DELE1: variants seen among roughly 807,000 people sequenced by gnomAD.
DELE1 encodes the protein death ligand signal enhancer.
A neutral mutation model predicts 59.3 loss-of-function variants in DELE1; 54 were observed. The observed-to-expected ratio is 0.91, with a 90% CI of 0.73 to 1.14. The LOEUF is 1.14. Among genes scored for constraint, DELE1 ranks in the 50% most tolerant of loss-of-function variants. The pLI is 0.00. For missense variants in DELE1, 636 were observed against 643.9 expected, an observed-to-expected ratio of 0.99 and a Z score of 0.13; for synonymous variants, 264 against 259.1, an observed-to-expected ratio of 1.02 and a Z score of -0.18.
chr5:141,936,254 G>C (rs748005253), intron 10 of DELE1, among the ~76,000 whole-genome samples: 1 of 152,184 alleles, frequency 6.6e-6, no homozygotes, highest in South Asian at 2.1e-4. Flanking sequence ...GTAGAGTCAC[G>C]TGCCTGAGTT....
rs144562254 is a variant in DELE1 at position 141,930,191 on chromosome 5, C to A, written c.671C>A (p.Ser224Ter). ...QPTGEKEQDKSKTLSLEEAVT... is the reference protein window; with the variant it reads ...QPTGEKEQDK ...TTTCTTTCCCAGGAACAAGATAAAT[C>A]AAAAACTCTTTCCCTTGAGGAGGCT... Residue 224 changes from serine to a stop codon, truncating the protein, a stop_gained, in exon 7 of 12, where the codon TCA becomes TAA. Transcript: ENST00000432126. LOFTEE classifies it high-confidence loss of function. 23 of 1,613,252 alleles carry A rather than the reference C, an allele frequency of 1.4e-5. No homozygotes were observed. Among genetic ancestry groups the A allele is most frequent in the Admixed American group, 8.3e-5 (5 of 59,950 alleles).
chr5:141,924,321 A>G (rs1321903290), intron 1 of DELE1, among the ~76,000 whole-genome samples: 1 of 152,142 alleles, frequency 6.6e-6, no homozygotes, highest in Non-Finnish European at 1.5e-5. Flanking sequence ...CATTAGTGAG[A>G]GTATATGTAT....
At chr5:141,932,740 T>TTA (rs1288623597) in intron 7 of DELE1, among the ~76,000 whole-genome samples, 6 of 152,066 alleles carry the variant, frequency 3.9e-5, no homozygotes. Flanking sequence ...GAGGAATGGT[T>TTA]TATAGTAGGG....
intron 8 of DELE1, chr5:141,933,973 A>T (rs1373036741): frequency 7.6e-6 from 2 of 264,446 alleles, no homozygotes; most frequent in African/African-American, 2.3e-5. Flanking sequence ...TATGTGTGTG[A>T]GTATGTCTAA....
chr5:141,938,892 A>G lies in DELE1; in HGVS notation c.*133A>G. ...GGAGTTCAGGTTCCCAAGCAATTTC[A>G]CGTACATGGCTGGTAAGTGACTGAT... On this transcript the variant is annotated 3_prime_UTR_variant, in exon 12 of 12. Transcript: ENST00000432126. The G allele has an allele frequency of 6.8e-7, 1 of 1,473,040 alleles. No individual in the cohort carries two copies. The highest frequency in any genetic ancestry group is 8.9e-7 in the Non-Finnish European group (1 of 1,118,706). 91.2% of individuals were successfully genotyped at this position (1,473,040 alleles called of 1,614,324 possible).
At chr5:141,925,297 G>T in intron 2 of DELE1, 113 bp from the exon 3 acceptor site, 1 of 572,898 alleles carries the variant, frequency 1.7e-6, no homozygotes, top group Middle Eastern at 3.2e-4. Flanking sequence ...TCCTGACCTC[G>T]TGATCCACCC....
intron 10 of DELE1, among the ~76,000 whole-genome samples, chr5:141,936,418 A>G (rs1561521595): frequency 6.6e-6 from 1 of 152,062 alleles, no homozygotes; most frequent in Non-Finnish European, 1.5e-5. Flanking sequence ...GGCAAAGAGC[A>G]TAGCGTTTTT....
Position 141,934,288 on chromosome 5 carries a change from C to G in DELE1, c.946C>G (p.Gln316Glu), listed in dbSNP as rs757643637. Residue 316 changes from glutamine to glutamate, a missense_variant, in exon 9 of 12, where the codon CAG (glutamine) becomes GAG (glutamate). Gln to Glu is a conservative substitution (Grantham distance 29). Transcript: ENST00000432126. Reference protein sequence around the residue: ...LAASQGHSLAQYRYARCLLRD... With the variant: ...LAASQGHSLAEYRYARCLLRD... ...TGCCAGCCAGGGCCACAGCCTGGCT[C>G]AGTACCGCTATGCCAGGTGCCTACT... 10 of 1,613,978 alleles carry G rather than the reference C, an allele frequency of 6.2e-6. No homozygotes were observed. In the South Asian group the frequency reaches 8.8e-5, roughly 14 times the overall value.
At position 141,929,878 on chromosome 5, in the gene DELE1, C is replaced by T. The variant is rs192000208; in HGVS notation, c.572-111C>T. The T allele has an allele frequency of 1.6e-3, 2,433 of 1,500,270 alleles. 4 individuals are homozygous for T. Among genetic ancestry groups the T allele is most frequent in the Non-Finnish European group, 2.1e-3 (2,297 of 1,080,676 alleles). 92.9% of individuals were successfully genotyped at this position (1,500,270 alleles called of 1,614,324 possible). ...CTTGTGAGGTGATTCAGGGTTATTT[C>T]GGTTCCTGGCAAGGGTGCTGGCTGG... On this transcript the variant is annotated intron_variant, in intron 5 of 11. Transcript: ENST00000432126.
chr5:141,931,458 A>G (rs2126880900), intron 7 of DELE1, among the ~76,000 whole-genome samples: 1 of 152,322 alleles, frequency 6.6e-6, no homozygotes, highest in African/African-American at 2.4e-5. Context: ...GGGCAGCCAC[A>G]TGATCTGATG....
intron 3 of DELE1, among the ~76,000 whole-genome samples, chr5:141,927,591 T>G (rs1751522923): frequency 6.6e-6 from 1 of 152,148 alleles, no homozygotes; most frequent in South Asian, 2.1e-4. Flanking sequence ...TCTGCAGACC[T>G]GTCAGAGAAG....
intron 4 of DELE1, among the ~76,000 whole-genome samples, chr5:141,928,650 T>C (rs763959596): frequency 1.2e-4 from 19 of 152,242 alleles, no homozygotes; most frequent in Non-Finnish European, 2.4e-4. Context: ...GCACCTATTA[T>C]GTGCCATGGT....
At chr5:141,938,075 C>T (rs1427503086) in intron 11 of DELE1, among the ~76,000 whole-genome samples, 1 of 152,012 alleles carries the variant, frequency 6.6e-6, no homozygotes, top group East Asian at 2.0e-4. Flanking sequence ...ATCCACCCGC[C>T]TCGGCCTCCC....
intron 9 of DELE1, 33 bp downstream of exon 9, chr5:141,934,431 T>C (rs1350391167): frequency 1.2e-6 from 2 of 1,614,218 alleles, no homozygotes; most frequent in Admixed American, 3.3e-5. Context: ...GTTCAAGGTC[T>C]CTGAGGCCTG....
In DELE1 at chr5:141,928,205, T is replaced by G; in HGVS notation, c.319T>G (p.Ser107Ala). 6.2e-7 allele frequency: 1 copy of G among 1,614,186 alleles called. No individual in the cohort carries two copies. The highest frequency in any genetic ancestry group is 1.1e-5 in the South Asian group (1 of 91,084). The change falls in exon 4 of 12, where the codon TCC (serine) becomes GCC (alanine). Residue 107 changes from serine to alanine, a missense_variant. Transcript: ENST00000432126. Reference protein sequence around the residue: ...QLARQIHFQASLPAGPQRVEH... With the variant: ...QLARQIHFQAALPAGPQRVEH... ...GGCAAGGCAGATCCACTTCCAGGCA[T>G]CCCTGCCAGCAGGACCTCAGCGGGT...
At chr5:141,926,530 C>T (rs1751438292) in intron 3 of DELE1, among the ~76,000 whole-genome samples, 1 of 152,212 alleles carries the variant, frequency 6.6e-6, no homozygotes, top group Non-Finnish European at 1.5e-5. Context: ...GGAAGTTCTG[C>T]TTATAAGATC....
chr5:141,924,485 C>T (rs1439406411), intron 1 of DELE1, 96 bp from the exon 2 acceptor site: 5 of 749,502 alleles, frequency 6.7e-6, no homozygotes, highest in South Asian at 1.5e-5. Flanking sequence ...ATAAAAGATT[C>T]CCATGTGTAT....
At chr5:141,926,854 A>G (rs553476163) in intron 3 of DELE1, among the ~76,000 whole-genome samples, 2 of 152,346 alleles carry the variant, frequency 1.3e-5, no homozygotes, top group South Asian at 2.1e-4. Context: ...CAGAAGTCCC[A>G]ATGCCATCCC....
chr5:141,925,143 A>G (rs921541802), intron 2 of DELE1, among the ~76,000 whole-genome samples: 4 of 151,282 alleles, frequency 2.6e-5, no homozygotes, highest in Non-Finnish European at 5.9e-5. Flanking sequence ...GTTAGCCAGG[A>G]TGGTCTTGAT....
Sources: gnomAD v4.1 joint callset for allele counts (sites outside exome capture counted in the v4.1 genomes callset) on GRCh38, gnomAD v4.1.1 for gene constraint, MANE v1.5 for transcripts, NCBI Gene and HGNC (gene_info 2026-07-23, HGNC 2026-07-21) for gene names.